The following SP3 variants were observed in gnomAD, a reference collection of about 807,000 sequenced individuals.
The protein encoded by SP3 is Sp3 transcription factor.
SP3 carries 10 observed loss-of-function variants against 70.3 expected under a neutral mutation model. The observed-to-expected ratio is 0.14, with a 90% CI of 0.09 to 0.24. The LOEUF (loss-of-function observed/expected upper bound fraction) is 0.24. Among genes scored for constraint, SP3 ranks in the 10% least tolerant of loss-of-function variants. The pLI is 1.00. For missense variants in SP3, 825 were observed against 914.6 expected, an observed-to-expected ratio of 0.90 and a Z score of 1.26; for synonymous variants, 402 against 333.5, an observed-to-expected ratio of 1.21 and a Z score of -2.24.
At chr2:173,956,966 G>A (rs1690915582) in intron 3 of SP3, among the ~76,000 whole-genome samples, 1 of 152,124 alleles carries the variant, frequency 6.6e-6, no homozygotes, top group African/African-American at 2.4e-5. Flanking sequence ...AATACAATTT[G>A]AGGGAGAGAA....
rs777960563 is a variant in SP3 at position 173,909,946 on chromosome 2, C to T, written c.2341G>A (p.Glu781Lys). The T allele has an allele frequency of 1.2e-6, 2 of 1,610,584 alleles. No individual in the cohort carries two copies. Among genetic ancestry groups the T allele is most frequent in the African/African-American group, 2.7e-5 (2 of 74,836 alleles). ...AATAAGTATTTGTGTAATATTTACT[C>T]CATTGTCTCATTTCCAGAAACTGTG... Reference protein sequence around the residue: ...LVTVSGNETME With the variant: ...LVTVSGNETMK Residue 781 changes from glutamate to lysine, a missense_variant, in exon 7 of 7, where the codon GAG becomes AAG. This residue lies in a region of SP3 where 91 missense variants were observed against 97.4 expected (regional missense o/e 0.93). Transcript: ENST00000310015.
chr2:173,924,582 G>A (rs1369372044), intron 4 of SP3, among the ~76,000 whole-genome samples: 1 of 152,118 alleles, frequency 6.6e-6, no homozygotes, highest in African/African-American at 2.4e-5. Flanking sequence ...TCCCAACTAC[G>A]CTGAGTTTAA....
At chr2:173,963,297 CA>C (rs1477911773) in intron 3 of SP3, 1 of 152,088 alleles carries the variant, frequency 6.6e-6, no homozygotes, top group African/African-American at 2.4e-5. Context: ...AATAAACCCT[CA>C]TTTTTTTTAA....
chr2:173,941,233 C>T (rs1690364594), intron 4 of SP3, among the ~76,000 whole-genome samples: 1 of 151,894 alleles, frequency 6.6e-6, no homozygotes, highest in African/African-American at 2.4e-5. Context: ...AATGAAACCA[C>T]TTGTTAAAAG....
At chr2:173,912,730 G>GA in intron 6 of SP3, among the ~76,000 whole-genome samples, 1 of 144,708 alleles carries the variant, frequency 6.9e-6, no homozygotes, top group East Asian at 1.9e-4. Context: ...GTGTTAAGAG[G>GA]AAAGAAAAAA....
At position 173,958,015 on chromosome 2, in the gene SP3, G is replaced by A. The variant is rs984620026; in HGVS notation, c.280-1783C>T. On this transcript the variant is annotated intron_variant, in intron 3 of 6. Transcript: ENST00000310015. The stretch of plus-strand genomic sequence containing the variant: ...TCATTTCGGTCTCTTGGCATTTTAA[G>A]TAAACTACAAATATTTAAATCTATA... Among the ~76,000 whole-genome samples the A allele has an allele frequency of 3.9e-5, 6 of 152,128 alleles. No homozygotes were observed. In the South Asian group the frequency reaches 8.3e-4, roughly 21 times the overall value.
intron 4 of SP3, among the ~76,000 whole-genome samples, chr2:173,925,150 GCCCA>G (rs1337717046): frequency 3.9e-5 from 6 of 152,274 alleles, no homozygotes; most frequent in African/African-American, 1.4e-4. Context: ...GGCATGATCC[GCCCA>G]CCCAAAGTGC....
chr2:173,957,644 A>G (rs534143606), intron 3 of SP3, among the ~76,000 whole-genome samples: 55 of 152,262 alleles, frequency 3.6e-4, no homozygotes, highest in Non-Finnish European at 6.3e-4. Context: ...ATCCCACTAA[A>G]TTGTTTAGAC....
In SP3 at chr2:173,904,685, A is replaced by T. The variant is rs1188350552; in HGVS notation, c.*5256T>A. ...TCATCTAATTGGCTCAACTTTGACCAGATGTCCACTCCTTGTCTGATTTCT... is the reference window on the plus strand; with the variant it reads ...TCATCTAATTGGCTCAACTTTGACCTGATGTCCACTCCTTGTCTGATTTCT... On this transcript the variant is annotated 3_prime_UTR_variant, in exon 7 of 7. Transcript: ENST00000310015. Among the ~76,000 whole-genome samples the T allele has an allele frequency of 6.6e-6, 1 of 152,268 alleles. No homozygotes were observed. The highest frequency in any genetic ancestry group is 1.9e-4 in the East Asian group (1 of 5,200).
At chr2:173,959,159 C>G (rs1690982165) in intron 3 of SP3, among the ~76,000 whole-genome samples, 1 of 151,896 alleles carries the variant, frequency 6.6e-6, no homozygotes, top group Non-Finnish European at 1.5e-5. Flanking sequence ...AAGTCTAAAC[C>G]AATTTTAAGC....
Position 173,964,548 on chromosome 2 carries a change from CG to C in SP3, c.12del (p.Glu5LysfsTer4), listed in dbSNP as rs1359054292. 2.3e-6 allele frequency: 1 copy of C among 426,602 alleles called. No homozygotes were observed. The highest frequency in any genetic ancestry group is 4.7e-6 in the Non-Finnish European group (1 of 212,914). 26.4% of individuals were successfully genotyped at this position (426,602 alleles called of 1,614,324 possible). On this transcript the variant is annotated frameshift_variant, in exon 2 of 7. Transcript: ENST00000310015. LOFTEE classifies it high-confidence loss of function. ...ATTTCCTCTTGTTTCACGGGCTTTT[CG>C]GGAGCTGCAGGCACAGCGCGGGGGG... MTA[P>X]EKPVKQEEMA...
At chr2:173,949,331 A>T (rs1438109606) in intron 4 of SP3, among the ~76,000 whole-genome samples, 1 of 151,956 alleles carries the variant, frequency 6.6e-6, no homozygotes, top group African/African-American at 2.4e-5. Flanking sequence ...TGTAGAAAAT[A>T]CTTTATTCAA....
chr2:173,961,764 T>C (rs1691087553), intron 3 of SP3, among the ~76,000 whole-genome samples: 1 of 152,176 alleles, frequency 6.6e-6, no homozygotes, highest in African/African-American at 2.4e-5. Flanking sequence ...TGAATTTCCT[T>C]TTCTAAGATG....
rs1689275552 is a variant in SP3, at chr2:173,904,993, G to GGA, written c.*4946_*4947dup. On this transcript the variant is annotated 3_prime_UTR_variant, in exon 7 of 7. Transcript: ENST00000310015. Reference sequence around the variant, plus strand: ...GCTGGTTTTTAGAAATGTTCAAATAGGATAGACTCTTACACAGGGGTGTAA... The same window carrying GGA: ...GCTGGTTTTTAGAAATGTTCAAATAGGAGATAGACTCTTACACAGGGGTGTAA... 6.6e-6 allele frequency among the ~76,000 whole-genome samples: 1 copy of GGA among 152,150 alleles called. No individual in the cohort carries two copies. Among genetic ancestry groups the GGA allele is most frequent in the African/African-American group, 2.4e-5 (1 of 41,410 alleles).
chr2:173,910,340 T>C, intron 6 of SP3, 83 bp from the exon 7 acceptor site: 1 of 1,177,754 alleles, frequency 8.5e-7, no homozygotes, highest in Non-Finnish European at 1.2e-6. Context: ...AGAAAGTAAG[T>C]CAACGCTGAC....
intron 4 of SP3, among the ~76,000 whole-genome samples, chr2:173,935,601 C>A (rs747422399): frequency 6.6e-6 from 1 of 152,204 alleles, no homozygotes; most frequent in Non-Finnish European, 1.5e-5. Context: ...GGTCCACACT[C>A]CACCATCCCC....
chr2:173,963,899 G>A lies in SP3; in HGVS notation c.157-16C>T, dbSNP rs1691174218. Reference sequence around the variant, plus strand: ...GCTGAGTGTCCTACCCCCAATGGGCGGGTTCAGAGAGGGAGACAGGGGGAG... The same window carrying A: ...GCTGAGTGTCCTACCCCCAATGGGCAGGTTCAGAGAGGGAGACAGGGGGAG... On this transcript the variant is annotated splice_polypyrimidine_tract_variant and intron_variant, in intron 2 of 6. Coordinates refer to ENST00000310015, the MANE Select transcript of SP3 (RefSeq NM_003111.5). The A allele has an allele frequency of 6.1e-6, 9 of 1,472,060 alleles. No individual in the cohort carries two copies. The highest frequency in any genetic ancestry group is 1.5e-5 in the African/African-American group (1 of 68,334). The allele number at this position is 1,472,060 out of a possible 1,614,324, so 91.2% of individuals were successfully genotyped here. A position where few individuals can be genotyped will look rare whatever the true frequency, so the allele number is the denominator to read the frequency against.
At chr2:173,939,399 CTT>C (rs1690296632) in intron 4 of SP3, among the ~76,000 whole-genome samples, 1 of 152,316 alleles carries the variant, frequency 6.6e-6, no homozygotes, top group South Asian at 2.1e-4. Context: ...GATATGCATA[CTT>C]TAACAAAAGA....
intron 3 of SP3, chr2:173,963,086 CTG>C: frequency 6.6e-6 from 1 of 152,286 alleles, no homozygotes; most frequent in South Asian, 2.1e-4. Flanking sequence ...TTTTCTAACA[CTG>C]TTATATTCAG....
Sources: allele counts gnomAD v4.1 joint callset (sites outside exome capture counted in the v4.1 genomes callset), GRCh38; gene constraint gnomAD v4.1.1; regional missense constraint gnomAD v4.1.1; transcripts MANE v1.5; gene names NCBI Gene and HGNC (gene_info 2026-07-23, HGNC 2026-07-21).